The following ALCAM variants were observed in gnomAD, a reference collection of about 807,000 sequenced individuals.
ALCAM encodes CD166 antigen.
Under a neutral mutation model 70.9 loss-of-function variants are expected in ALCAM, and 30 were observed. That is an observed-to-expected ratio of 0.42 (90% CI 0.32 to 0.57). ALCAM has a LOEUF of 0.57. Ranked by LOEUF, ALCAM falls within the 20% of genes least tolerant of loss-of-function variation. The pLI, the probability that ALCAM is intolerant of heterozygous loss-of-function variation, is 0.11. For missense variants in ALCAM, 591 were observed against 695.1 expected (o/e 0.85, Z 1.68); for synonymous variants, 249 against 242.5 (o/e 1.03, Z -0.25).
At chr3:105,572,112 A>G (rs186716342) in intron 15 of ALCAM, 148 bp downstream of exon 15, 1 of 553,122 alleles carries the variant, frequency 1.8e-6, no homozygotes, top group African/African-American at 1.9e-5. Flanking sequence ...TTATGCTTTA[A>G]GTTCTCAGAT....
At chr3:105,558,322 G>A (rs17189643) in intron 14 of ALCAM, among the ~76,000 whole-genome samples, 12,637 of 152,142 alleles carry the variant, frequency 0.083, 668 homozygotes, top group Non-Finnish European at 0.12. Flanking sequence ...AAGCCTGCTT[G>A]GAAAACCTAA....
At chr3:105,429,849 T>C (rs777777162) in intron 1 of ALCAM, among the ~76,000 whole-genome samples, 2 of 152,002 alleles carry the variant, frequency 1.3e-5, no homozygotes, top group Non-Finnish European at 2.9e-5. Flanking sequence ...AAATTAGCAA[T>C]ATGTTAAAAT....
At chr3:105,402,561 C>T (rs752639391) in intron 1 of ALCAM, among the ~76,000 whole-genome samples, 16 of 152,236 alleles carry the variant, frequency 1.1e-4, no homozygotes, top group African/African-American at 2.4e-4. Flanking sequence ...GGAGTGAGAC[C>T]GGCCTTTAGG....
intron 1 of ALCAM, among the ~76,000 whole-genome samples, chr3:105,478,159 C>T (rs1180996025): frequency 6.6e-6 from 1 of 151,846 alleles, no homozygotes; most frequent in Non-Finnish European, 1.5e-5. Flanking sequence ...GTTATGTTAC[C>T]ACTTCTTGGG....
At chr3:105,428,477 A>G (rs1936848359) in intron 1 of ALCAM, among the ~76,000 whole-genome samples, 1 of 151,862 alleles carries the variant, frequency 6.6e-6, no homozygotes, top group Non-Finnish European at 1.5e-5. Flanking sequence ...TTAAATATAT[A>G]ATGGATATAT....
At chr3:105,533,351 T>G (rs1310561229) in intron 4 of ALCAM, among the ~76,000 whole-genome samples, 1 of 152,164 alleles carries the variant, frequency 6.6e-6, no homozygotes, top group Non-Finnish European at 1.5e-5. Context: ...TGAATGTGAT[T>G]TTATAATAGT....
intron 1 of ALCAM, among the ~76,000 whole-genome samples, chr3:105,510,959 G>A (rs1939219817): frequency 6.6e-6 from 1 of 151,896 alleles, no homozygotes. Context: ...CAAAACGGGA[G>A]GCACCTTCAG....
chr3:105,490,092 TA>T (rs1387784012), intron 1 of ALCAM, among the ~76,000 whole-genome samples: 1 of 152,204 alleles, frequency 6.6e-6, no homozygotes, highest in African/African-American at 2.4e-5. Flanking sequence ...GAAGTGAGGC[TA>T]AAAAAATGTA....
chr3:105,485,499 C>T (rs1374090813), intron 1 of ALCAM, among the ~76,000 whole-genome samples: 3 of 151,842 alleles, frequency 2.0e-5, no homozygotes, highest in Non-Finnish European at 2.9e-5. Flanking sequence ...CTAACCAGTA[C>T]ATTTTAACCC....
At chr3:105,482,537 T>C (rs964460420) in intron 1 of ALCAM, among the ~76,000 whole-genome samples, 10 of 152,156 alleles carry the variant, frequency 6.6e-5, no homozygotes, top group African/African-American at 2.2e-4. Flanking sequence ...GTTTGTCCAT[T>C]TCAGAACAAA....
intron 14 of ALCAM, 40 bp downstream of exon 14, chr3:105,552,625 T>C (rs775647254): frequency 1.9e-6 from 3 of 1,609,804 alleles, no homozygotes; most frequent in Non-Finnish European, 1.7e-6. Context: ...TCATTGACTT[T>C]CACTGGGAGA....
intron 1 of ALCAM, among the ~76,000 whole-genome samples, chr3:105,456,248 G>C (rs1237091797): frequency 6.6e-6 from 1 of 152,150 alleles, no homozygotes; most frequent in Non-Finnish European, 1.5e-5. Flanking sequence ...CTGCTGCCTC[G>C]ATACAACTGT....
intron 1 of ALCAM, among the ~76,000 whole-genome samples, chr3:105,456,774 T>C (rs1159866515): frequency 1.4e-5 from 2 of 147,516 alleles, no homozygotes; most frequent in African/African-American, 5.0e-5. Context: ...TGGCTGTTTC[T>C]AAGACAAATG....
chr3:105,552,683 T>C, intron 14 of ALCAM, 98 bp downstream of exon 14: 2 of 1,583,646 alleles, frequency 1.3e-6, no homozygotes, highest in Admixed American at 1.8e-5. Context: ...ATATAATTTA[T>C]ACAATAAGGA....
intron 1 of ALCAM, among the ~76,000 whole-genome samples, chr3:105,455,441 CAA>C (rs66472811): frequency 0.32 from 40,019 of 126,364 alleles, 5,603 homozygotes; most frequent in East Asian, 0.51. Flanking sequence ...GACACCGTCT[CAA>C]AAAAAAAAAA....
intron 6 of ALCAM, 82 bp from the exon 7 acceptor site, chr3:105,539,893 A>G (rs1940071458): frequency 7.1e-7 from 1 of 1,409,706 alleles, no homozygotes; most frequent in Non-Finnish European, 9.6e-7. Context: ...AAAATTATGT[A>G]TAATTTAGTC....
intron 1 of ALCAM, among the ~76,000 whole-genome samples, chr3:105,375,451 A>G (rs531494406): frequency 6.6e-6 from 1 of 152,294 alleles, no homozygotes; most frequent in African/African-American, 2.4e-5. Flanking sequence ...AAATATCATT[A>G]ATGGGTTATA....
chr3:105,402,165 A>C (rs1221445940), intron 1 of ALCAM, among the ~76,000 whole-genome samples: 1 of 152,220 alleles, frequency 6.6e-6, no homozygotes, highest in Non-Finnish European at 1.5e-5. Flanking sequence ...TAGTGATTTC[A>C]TTTATACTCA....
chr3:105,516,062 T>C (rs1290253274), intron 1 of ALCAM, among the ~76,000 whole-genome samples: 1 of 151,968 alleles, frequency 6.6e-6, no homozygotes, highest in Non-Finnish European at 1.5e-5. Flanking sequence ...TATTAATGTA[T>C]TGGTTCAATA....
Sources: gnomAD v4.1 joint callset for allele counts (sites outside exome capture counted in the v4.1 genomes callset) on GRCh38, gnomAD v4.1.1 for gene constraint, MANE v1.5 for transcripts, NCBI Gene and HGNC (gene_info 2026-07-23, HGNC 2026-07-21) for gene names.